SPSB4: variants seen among roughly 807,000 people sequenced by gnomAD.
SPSB4 encodes SPRY domain-containing SOCS box protein 4.
A neutral mutation model predicts 20.9 loss-of-function variants in SPSB4; 21 were observed. The observed-to-expected ratio is 1.01, with a 90% CI of 0.71 to 1.45. The LOEUF (loss-of-function observed/expected upper bound fraction) is 1.45, where lower values mean the gene tolerates loss of function less well. Among genes scored for constraint, SPSB4 ranks in the 40% most tolerant of loss-of-function variants. The pLI, the probability that SPSB4 is intolerant of heterozygous loss-of-function variation, is 0.00. For missense variants in SPSB4, 399 were observed against 399.2 expected (o/e 1.00, Z 0.00); for synonymous variants, 207 against 183.8 (o/e 1.13, Z -1.02).
chr3:141,102,370 T>C (rs1938625171), intron 2 of SPSB4, among the ~76,000 whole-genome samples: 1 of 152,136 alleles, frequency 6.6e-6, no homozygotes, highest in Non-Finnish European at 1.5e-5. Context: ...GAAATTAGCC[T>C]GTGGTTACTA....
intron 2 of SPSB4, among the ~76,000 whole-genome samples, chr3:141,111,354 C>CT (rs34223433): frequency 0.7 from 43,140 of 61,712 alleles, 19,103 homozygotes; most frequent in South Asian, 0.87. Context: ...CTGGAACTTG[C>CT]TTTTTTTTTT....
At chr3:141,141,155 G>A (rs1457980416) in intron 2 of SPSB4, among the ~76,000 whole-genome samples, 1 of 152,258 alleles carries the variant, frequency 6.6e-6, no homozygotes, top group African/African-American at 2.4e-5. Flanking sequence ...ATCTCCTGGT[G>A]TGCCGTTTGT....
chr3:141,055,309 GGA>G (rs1937618921), intron 1 of SPSB4, among the ~76,000 whole-genome samples: 1 of 152,166 alleles, frequency 6.6e-6, no homozygotes, highest in African/African-American at 2.4e-5. Flanking sequence ...AAGGGGCAGG[GGA>G]GTGAGAGAAT....
intron 2 of SPSB4, among the ~76,000 whole-genome samples, chr3:141,135,751 A>T (rs1038843880): frequency 1.3e-4 from 20 of 152,094 alleles, no homozygotes; most frequent in African/African-American, 4.6e-4. Flanking sequence ...ATTGTTGGAC[A>T]TTTGGGTTGG....
At chr3:141,059,179 G>A (rs1937714161) in intron 1 of SPSB4, among the ~76,000 whole-genome samples, 1 of 152,146 alleles carries the variant, frequency 6.6e-6, no homozygotes, top group African/African-American at 2.4e-5. Flanking sequence ...GCCCCAGGAG[G>A]CCTACTGGAT....
Position 141,105,560 on chromosome 3 carries a change from G to A in SPSB4, c.694+38762G>A, listed in dbSNP as rs1559849796. On this transcript the variant is annotated intron_variant, in intron 2 of 2. Transcript: ENST00000310546. Reference sequence around the variant, plus strand: ...GGATGCAGCAGCCCTGTCTGGCGTAGTATTGAATCCATTGTTACAGATGGA... The same window carrying A: ...GGATGCAGCAGCCCTGTCTGGCGTAATATTGAATCCATTGTTACAGATGGA... Among the ~76,000 whole-genome samples the A allele has an allele frequency of 3.3e-5, 5 of 152,208 alleles. No individual in the cohort carries two copies. The South Asian group carries it at 8.3e-4, about 25-fold the overall frequency.
intron 2 of SPSB4, among the ~76,000 whole-genome samples, chr3:141,093,041 G>C (rs1938484787): frequency 6.6e-6 from 1 of 152,166 alleles, no homozygotes; most frequent in South Asian, 2.1e-4. Context: ...GGGTGGCTCT[G>C]GGAAGGGGGT....
intron 2 of SPSB4, among the ~76,000 whole-genome samples, chr3:141,099,442 T>A (rs1409107002): frequency 6.6e-6 from 1 of 152,246 alleles, no homozygotes; most frequent in African/African-American, 2.4e-5. Context: ...TTTGTATGTA[T>A]AGATTGCTTA....
intron 2 of SPSB4, among the ~76,000 whole-genome samples, chr3:141,073,558 G>T (rs1938047512): frequency 6.6e-6 from 1 of 152,158 alleles, no homozygotes; most frequent in Non-Finnish European, 1.5e-5. Flanking sequence ...TTCTGTTATT[G>T]CTGCTGCTGC....
intron 2 of SPSB4, among the ~76,000 whole-genome samples, chr3:141,117,929 G>A (rs905378309): frequency 6.6e-6 from 1 of 152,230 alleles, no homozygotes; most frequent in African/African-American, 2.4e-5. Context: ...TTGGTTCCAA[G>A]TCTTTGCTAT....
intron 2 of SPSB4, among the ~76,000 whole-genome samples, chr3:141,069,003 C>T (rs1937942740): frequency 6.6e-6 from 1 of 152,144 alleles, no homozygotes; most frequent in Non-Finnish European, 1.5e-5. Flanking sequence ...TAACCTCCTC[C>T]TTACTGGCAG....
rs148073330 is a variant in SPSB4 at position 141,131,527 on chromosome 3, C to G, written c.695-15615C>G. 5.5e-4 allele frequency among the ~76,000 whole-genome samples: 84 copies of G among 151,734 alleles called. No homozygotes were observed. In the East Asian group the frequency reaches 0.015, roughly 27 times the overall value. ...CCCTCATGCCTCCTCCCCATCACTA[C>G]TCCCTTAAGGTCACCTCTGCCCTAA... On this transcript the variant is annotated intron_variant, in intron 2 of 2. Coordinates refer to ENST00000310546, the MANE Select transcript of SPSB4 (RefSeq NM_080862.3).
chr3:141,147,053 C>T (rs2107810302), intron 2 of SPSB4, 89 bp from the exon 3 acceptor site: 2 of 1,560,020 alleles, frequency 1.3e-6, no homozygotes, highest in Non-Finnish European at 1.7e-6. Context: ...CTCAGAGGAG[C>T]AGGCAGGAGG....
At position 141,147,612 on chromosome 3, in the gene SPSB4, A is replaced by T. The variant is rs1939436131; in HGVS notation, c.*343A>T. 4.5e-6 allele frequency: 1 copy of T among 224,064 alleles called. No homozygotes were observed. Among genetic ancestry groups the T allele is most frequent in the Admixed American group, 5.0e-5 (1 of 20,030 alleles). The allele number at this position is 224,064 out of a possible 1,614,324, so 13.9% of individuals were successfully genotyped here. ...TTTCCTTATTCAAGAGAATGAATAA[A>T]ACATTTAGGCAGGAGACTTTCTATT... On this transcript the variant is annotated 3_prime_UTR_variant, in exon 3 of 3. Transcript: ENST00000310546.
chr3:141,135,848 G>A (rs1222263688), intron 2 of SPSB4, among the ~76,000 whole-genome samples: 1 of 152,112 alleles, frequency 6.6e-6, no homozygotes, highest in African/African-American at 2.4e-5. Context: ...AATCCTTTGG[G>A]TATATACCCA....
chr3:141,065,664 C>T (rs923665284), intron 1 of SPSB4, among the ~76,000 whole-genome samples: 3 of 152,232 alleles, frequency 2.0e-5, no homozygotes, highest in African/African-American at 7.2e-5. Context: ...AGTGGGACTT[C>T]GGCTAATCGC....
At chr3:141,085,118 G>T (rs193270578) in intron 2 of SPSB4, among the ~76,000 whole-genome samples, 1 of 152,314 alleles carries the variant, frequency 6.6e-6, no homozygotes, top group East Asian at 1.9e-4. Context: ...GGGTGCTTCA[G>T]ATAGAAGGAA....
intron 2 of SPSB4, chr3:141,115,251 A>T (rs1938865333): frequency 6.6e-6 from 1 of 152,210 alleles, no homozygotes; most frequent in African/African-American, 2.4e-5. Context: ...GTTGGATCCG[A>T]TCTCTGGCAG....
intron 2 of SPSB4, among the ~76,000 whole-genome samples, chr3:141,117,977 T>C (rs1938904607): frequency 6.6e-6 from 1 of 152,220 alleles, no homozygotes; most frequent in Non-Finnish European, 1.5e-5. Flanking sequence ...TGTGCATGTG[T>C]CTTTATTGTA....
Sources: allele counts gnomAD v4.1 joint callset (sites outside exome capture counted in the v4.1 genomes callset), GRCh38; gene constraint gnomAD v4.1.1; transcripts MANE v1.5; gene names NCBI Gene and HGNC (gene_info 2026-07-23, HGNC 2026-07-21).